ZMYM5: variants seen among roughly 807,000 people sequenced by gnomAD.
The protein encoded by ZMYM5 is zinc finger MYM-type protein 5.
ZMYM5 carries 41 observed loss-of-function variants against 61.8 expected under a neutral mutation model. The observed-to-expected ratio is 0.66, with a 90% CI of 0.52 to 0.86. ZMYM5 has a LOEUF of 0.86. ZMYM5 is among the 40% of genes least tolerant of loss of function. The pLI, the probability that ZMYM5 is intolerant of heterozygous loss-of-function variation, is 0.00. For synonymous variants in ZMYM5, 257 were observed against 276.4 expected (o/e 0.93, Z 0.70); for missense variants, 706 against 786.7 (o/e 0.90, Z 1.23).
chr13:19,835,424 A>G, intron 7 of ZMYM5, 53 bp downstream of exon 7: 1 of 1,196,154 alleles, frequency 8.4e-7, no homozygotes, highest in Admixed American at 2.3e-5. Flanking sequence ...TGTAAGATGT[A>G]AGGGTGAAGC....
In ZMYM5 at chr13:19,838,844, G is replaced by A; in HGVS notation, c.728C>T (p.Thr243Ile). 1 of 1,614,178 alleles carries A rather than the reference G, an allele frequency of 6.2e-7. No homozygotes were observed. The highest frequency in any genetic ancestry group is 1.1e-5 in the South Asian group (1 of 91,084). Residue 243 changes from threonine to isoleucine, a missense_variant, in exon 5 of 8, where the codon ACT becomes ATT. By Grantham distance (89) the Thr-to-Ile change is moderately conservative. Transcript: ENST00000337963. ...TAAAGGCTTTTTGCAATTTGCACAA[G>A]TGATTTTAGCTGGTTTAGTAAGTTG... ...QQQLTKPAKI[T>I]CANCKKPLQK... is the part of the protein sequence containing the mutation.
chr13:19,825,167 T>C lies in ZMYM5; in HGVS notation c.1320A>G (p.Glu440=). ...ACGATCCATATAATTGTTTCTCATT[T>C]TCTTCTCTAAAAGCATTCCTTTTTC... is the stretch of plus-strand genomic sequence containing the variant. ...ENRKRNAFRE[E]NEKQLYGSSN... is the part of the protein sequence containing the mutation. The change falls in exon 8 of 8, where the codon GAA becomes GAG. Residue 440 remains glutamate (E), a synonymous_variant. Coordinates refer to ENST00000337963, the MANE Select transcript of ZMYM5 (RefSeq NM_001142684.2). 1 of 1,310,052 alleles carries C rather than the reference T, an allele frequency of 7.6e-7. No individual in the cohort carries two copies. The highest frequency in any genetic ancestry group is 1.0e-6 in the Non-Finnish European group (1 of 994,656). 81.2% of individuals were successfully genotyped at this position (1,310,052 alleles called of 1,614,324 possible). A position where few individuals can be genotyped will look rare whatever the true frequency, so the allele number is the denominator to read the frequency against.
chr13:19,858,105 G>A, intron 2 of ZMYM5, among the ~76,000 whole-genome samples: 1 of 151,628 alleles, frequency 6.6e-6, no homozygotes, highest in Admixed American at 6.6e-5. Flanking sequence ...ACTGAGGCAG[G>A]AGAATCACTT....
intron 7 of ZMYM5, among the ~76,000 whole-genome samples, chr13:19,825,491 C>T (rs1210701624): frequency 6.6e-6 from 1 of 151,460 alleles, no homozygotes; most frequent in Non-Finnish European, 1.5e-5. Context: ...ACTAAAAATA[C>T]AAAAATTAGC....
Position 19,838,808 on chromosome 13 carries a change from T to C in ZMYM5, c.764A>G (p.Gln255Arg). The C allele has an allele frequency of 6.2e-7, 1 of 1,614,214 alleles. No homozygotes were observed. Among genetic ancestry groups the C allele is most frequent in the East Asian group, 2.2e-5 (1 of 44,884 alleles). ...ANCKKPLQKG[Q>R]TAYQRKGSAH... ...TGATCCTTTTCGTTGATAAGCTGTC[T>C]GTCCCTTCTGTAAAGGCTTTTTGCA... Residue 255 changes from glutamine to arginine, a missense_variant, in exon 5 of 8, where the codon CAG (glutamine) becomes CGG (arginine). Coordinates refer to ENST00000337963, the MANE Select transcript of ZMYM5 (RefSeq NM_001142684.2).
chr13:19,828,159 T>C (rs187551413), intron 7 of ZMYM5, among the ~76,000 whole-genome samples: 3 of 152,038 alleles, frequency 2.0e-5, no homozygotes, highest in Admixed American at 2.0e-4. Context: ...GAAAGTAATG[T>C]GGCAGCTTTA....
intron 7 of ZMYM5, among the ~76,000 whole-genome samples, chr13:19,830,312 A>G (rs2138489802): frequency 6.6e-6 from 1 of 152,292 alleles, no homozygotes; most frequent in East Asian, 1.9e-4. Context: ...GGGGAAGCAC[A>G]TTTATAAAAT....
rs766127186 is a variant in ZMYM5 at position 19,837,570 on chromosome 13, T to C, written c.1038+86A>G. ...TTATACATCCAGAACACGTGCATTA[T>C]GTAGATGAAAGAGTACATAATAGCA... On this transcript the variant is annotated intron_variant, in intron 6 of 7. Coordinates refer to ENST00000337963, the MANE Select transcript of ZMYM5 (RefSeq NM_001142684.2). The C allele has an allele frequency of 1.4e-5, 23 of 1,609,272 alleles. 1 individual carries two copies. Among genetic ancestry groups the C allele is most frequent in the Middle Eastern group, 1.7e-4 (1 of 5,932 alleles).
chr13:19,846,458 G>C (rs1345435137), intron 4 of ZMYM5, among the ~76,000 whole-genome samples: 1 of 151,970 alleles, frequency 6.6e-6, no homozygotes, highest in Non-Finnish European at 1.5e-5. Flanking sequence ...ATTTGTTGCT[G>C]ATGAGAAAAT....
At chr13:19,857,319 C>A (rs1018465211) in intron 2 of ZMYM5, among the ~76,000 whole-genome samples, 2 of 152,048 alleles carry the variant, frequency 1.3e-5, no homozygotes, top group African/African-American at 4.8e-5. Flanking sequence ...TGGGAAACAA[C>A]GTAAATTTAA....
At chr13:19,834,122 G>A (rs954638054) in intron 7 of ZMYM5, among the ~76,000 whole-genome samples, 4 of 151,990 alleles carry the variant, frequency 2.6e-5, no homozygotes, top group Non-Finnish European at 4.4e-5. Context: ...GATTACAGGT[G>A]CCAGCCACCA....
At position 19,850,213 on chromosome 13, in the gene ZMYM5, T is replaced by C. The variant is rs4381439; in HGVS notation, c.586+1142A>G. ...TTTTAATTATATCAGAATAGGACTA[T>C]CTATATAAGTTCTAAAAATACAGTT... On this transcript the variant is annotated intron_variant, in intron 4 of 7. Coordinates refer to ENST00000337963, the MANE Select transcript of ZMYM5 (RefSeq NM_001142684.2). Among the ~76,000 whole-genome samples the C allele has an allele frequency of 1.4e-4, 21 of 152,264 alleles. No homozygotes were observed. The East Asian group carries it at 4.1e-3, about 29-fold the overall frequency.
At chr13:19,859,689 G>A (rs1953657574) in intron 2 of ZMYM5, among the ~76,000 whole-genome samples, 1 of 151,892 alleles carries the variant, frequency 6.6e-6, no homozygotes, top group South Asian at 2.1e-4. Context: ...TTACAGGTGT[G>A]AGCTACTGTG....
At position 19,863,531 on chromosome 13, in the gene ZMYM5, G is replaced by C. The variant is rs1299940293; in HGVS notation, c.-160C>G. On this transcript the variant is annotated 5_prime_UTR_variant, in exon 1 of 8. Transcript: ENST00000337963. ...AGCGGCCCTGGACTGGAAAGACAGC[G>C]GGGATAAGCGTCACCCGGTTCTGGC... 2 of 152,760 alleles carry C rather than the reference G, an allele frequency of 1.3e-5. No homozygotes were observed. Among genetic ancestry groups the C allele is most frequent in the Non-Finnish European group, 2.9e-5 (2 of 68,240 alleles). 9.5% of individuals were successfully genotyped at this position (152,760 alleles called of 1,614,324 possible). A position where few individuals can be genotyped will look rare whatever the true frequency, so the allele number is the denominator to read the frequency against.
intron 2 of ZMYM5, 31 bp from the exon 3 acceptor site, chr13:19,852,221 CT>C (rs757360290): frequency 6.7e-6 from 10 of 1,502,206 alleles, no homozygotes; most frequent in Non-Finnish European, 8.8e-6. Flanking sequence ...AAAAAAAGTT[CT>C]AGTATGTTAT....
intron 4 of ZMYM5, among the ~76,000 whole-genome samples, chr13:19,847,803 A>ATTTTTTTTTTTTTTTTTTTT (rs34176871): frequency 3.8e-5 from 3 of 79,894 alleles, no homozygotes; most frequent in Non-Finnish European, 4.5e-5. Flanking sequence ...TGCCCGGCTA[A>ATTTTTTTTTTTTTTTTTTTT]TTTTTTTTTT....
intron 4 of ZMYM5, among the ~76,000 whole-genome samples, chr13:19,845,862 A>C (rs1203447216): frequency 6.6e-6 from 1 of 152,124 alleles, no homozygotes; most frequent in African/African-American, 2.4e-5. Context: ...TTCAAAATCT[A>C]GAGTAGTTTT....
rs192462964 is a variant in ZMYM5, at chr13:19,829,334, C to T, written c.1252-4099G>A. On this transcript the variant is annotated intron_variant, in intron 7 of 7. Transcript: ENST00000337963. ...GATAGTCTCGCTCTGTCATTCAGGC[C>T]GGAGTGCAGTGATGAAATCATGGTT... 3.3e-3 allele frequency among the ~76,000 whole-genome samples: 509 copies of T among 152,058 alleles called. 2 individuals carry two copies. Among genetic ancestry groups the T allele is most frequent in the South Asian group, 0.026 (124 of 4,798 alleles).
intron 4 of ZMYM5, among the ~76,000 whole-genome samples, chr13:19,847,550 C>T (rs752829219): frequency 1.2e-4 from 18 of 151,796 alleles, no homozygotes; most frequent in Non-Finnish European, 2.5e-4. Flanking sequence ...TTACTTTTCA[C>T]TAAATTTCTT....
Sources: gnomAD v4.1 joint callset for allele counts (sites outside exome capture counted in the v4.1 genomes callset) on GRCh38, gnomAD v4.1.1 for gene constraint, MANE v1.5 for transcripts, NCBI Gene and HGNC (gene_info 2026-07-23, HGNC 2026-07-21) for gene names.